The following GDI2 variants were observed in gnomAD, a reference collection of about 807,000 sequenced individuals.
GDI2 encodes GDP dissociation inhibitor 2, also known as rab GDP dissociation inhibitor beta.
GDI2 carries 22 observed loss-of-function variants against 54.2 expected under a neutral mutation model. That is an observed-to-expected ratio of 0.41 (90% confidence interval 0.29 to 0.58). The LOEUF (loss-of-function observed/expected upper bound fraction) is 0.58, where lower values mean the gene tolerates loss of function less well. GDI2 is among the 20% of genes least tolerant of loss of function. The pLI, the probability that GDI2 is intolerant of heterozygous loss-of-function variation, is 0.35. For missense variants in GDI2, 422 were observed against 546.0 expected, an observed-to-expected ratio of 0.77 and a Z score of 2.26; for synonymous variants, 177 against 182.1, an observed-to-expected ratio of 0.97 and a Z score of 0.23.
intron 1 of GDI2, among the ~76,000 whole-genome samples, chr10:5,805,972 T>C (rs1418377126): frequency 6.6e-6 from 1 of 152,212 alleles, no homozygotes; most frequent in Non-Finnish European, 1.5e-5. Context: ...TGGTGGATAT[T>C]TGGATAGTTT....
intron 2 of GDI2, among the ~76,000 whole-genome samples, chr10:5,798,046 G>A (rs573231818): frequency 6.6e-6 from 1 of 152,270 alleles, no homozygotes; most frequent in East Asian, 1.9e-4. Flanking sequence ...ACATTTTGGT[G>A]AGTCTAGACA....
intron 4 of GDI2, among the ~76,000 whole-genome samples, chr10:5,794,524 T>C (rs1341334000): frequency 6.6e-6 from 1 of 151,844 alleles, no homozygotes; most frequent in Non-Finnish European, 1.5e-5. Context: ...AGAAGTCAAA[T>C]AAGAAAACAA....
At chr10:5,778,554 T>C (rs1473778251) in intron 6 of GDI2, among the ~76,000 whole-genome samples, 1 of 152,248 alleles carries the variant, frequency 6.6e-6, no homozygotes, top group Non-Finnish European at 1.5e-5. Context: ...TAAATTTCCA[T>C]TTTATGAAGA....
chr10:5,786,041 C>T lies in GDI2; in HGVS notation c.398G>A (p.Gly133Glu). 6.2e-7 allele frequency: 1 copy of T among 1,607,880 alleles called. No homozygotes were observed. The highest frequency in any genetic ancestry group is 8.5e-7 in the Non-Finnish European group (1 of 1,175,026). ...CCTGAAGCGACGTTTTTCAAACAAT[C>T]CCATTAGGCCTAAATAAAAAAGAAT... ...EAEALASSLM[G>E]LFEKRRFRKF... Residue 133 changes from glycine (G) to glutamate (E), a missense_variant, in exon 5 of 11, where the codon GGA becomes GAA. By Grantham distance (98) the Gly-to-Glu change is moderately conservative. Transcript: ENST00000380191.
chr10:5,766,564 T>C lies in GDI2; in HGVS notation c.1066A>G (p.Thr356Ala), dbSNP rs765455596. The change falls in exon 9 of 11, where the codon ACT (threonine) becomes GCT (alanine). Residue 356 changes from threonine to alanine, a missense_variant. Thr to Ala is a moderately conservative substitution (Grantham distance 58). Transcript: ENST00000380191. This position sits in a 1 kb window ranked among gnomAD's most constrained non-coding sequence, Gnocchi z 5.8. Reference protein sequence around the residue: ...QGKYIAIVSTTVETKEPEKEI... With the variant: ...QGKYIAIVSTAVETKEPEKEI... ...TTCTCAGGCTCCTTGGTTTCCACAG[T>C]TGTACTAACTATAGCAATGTACTTC... The C allele has an allele frequency of 6.2e-7, 1 of 1,613,500 alleles. No homozygotes were observed. The highest frequency in any genetic ancestry group is 1.1e-5 in the South Asian group (1 of 91,058).
In GDI2 at chr10:5,766,961, A is replaced by T. The variant is rs1049001046; in HGVS notation, c.992-323T>A. Among the ~76,000 whole-genome samples the T allele has an allele frequency of 1.3e-5, 2 of 152,260 alleles. No homozygotes were observed. The highest frequency in any genetic ancestry group is 4.8e-5 in the African/African-American group (2 of 41,482). ...ATTAACTATTCTGGGAGATTCTTCC[A>T]TTCTGGACCTTGCATTTAGAAAGGT... On this transcript the variant is annotated intron_variant, in intron 8 of 10. Coordinates refer to ENST00000380191, the MANE Select transcript of GDI2 (RefSeq NM_001494.4). This position sits in a 1 kb window ranked among gnomAD's most constrained non-coding sequence, Gnocchi z 5.8.
rs1840847495 is a variant in GDI2 at position 5,785,232 on chromosome 10, T to C, written c.629A>G (p.Lys210Arg). ...QPCYETINRI[K>R]LYSESLARYG... ...TCTTGCCAAAGATTCACTGTAAAGT[T>C]TAATTCTATTAATGGTTTCATAACA... Residue 210 changes from lysine (K) to arginine (R), a missense_variant, in exon 6 of 11, where the codon AAA becomes AGA. Lys to Arg is a conservative substitution (Grantham distance 26). Coordinates refer to ENST00000380191, the MANE Select transcript of GDI2 (RefSeq NM_001494.4). 1.2e-6 allele frequency: 2 copies of C among 1,602,990 alleles called. No individual in the cohort carries two copies. Among genetic ancestry groups the C allele is most frequent in the Non-Finnish European group, 1.7e-6 (2 of 1,170,160 alleles).
chr10:5,804,171 G>A (rs1841326216), intron 1 of GDI2, among the ~76,000 whole-genome samples: 1 of 151,526 alleles, frequency 6.6e-6, no homozygotes. Context: ...TTGGCTCAAT[G>A]CAACCTTCAC....
rs34959016 is a variant in GDI2, at chr10:5,765,768, G to GAAA, written c.*235_*237dup. Reference sequence around the variant, plus strand: ...TCCCAATGTTTGTTTAACTTCACTAGAAAAAAAAAAAGCCAGTTTGGTTAA... The same window carrying GAAA: ...TCCCAATGTTTGTTTAACTTCACTAGAAAAAAAAAAAAAAGCCAGTTTGGTTAA... On this transcript the variant is annotated 3_prime_UTR_variant, in exon 11 of 11. Transcript: ENST00000380191. 6.1e-4 allele frequency: 191 copies of GAAA among 311,034 alleles called. No homozygotes were observed. Among genetic ancestry groups the GAAA allele is most frequent in the East Asian group, 1.9e-3 (30 of 15,700 alleles). 19.3% of individuals were successfully genotyped at this position (311,034 alleles called of 1,614,324 possible).
At chr10:5,782,575 T>C (rs998874990) in intron 6 of GDI2, among the ~76,000 whole-genome samples, 12 of 152,082 alleles carry the variant, frequency 7.9e-5, no homozygotes, top group Admixed American at 5.9e-4. Flanking sequence ...ACTAACTAGA[T>C]GTCCACCAAA....
intron 4 of GDI2, among the ~76,000 whole-genome samples, chr10:5,789,799 G>A (rs149337923): frequency 6.6e-6 from 1 of 152,298 alleles, no homozygotes; most frequent in African/African-American, 2.4e-5. Context: ...TGTAAACAAA[G>A]AAAGATGTAG....
intron 6 of GDI2, among the ~76,000 whole-genome samples, chr10:5,783,962 T>G (rs1267153854): frequency 6.6e-6 from 1 of 152,190 alleles, no homozygotes; most frequent in Non-Finnish European, 1.5e-5. Context: ...TCTTTAAGCT[T>G]CTTGTATTTG....
chr10:5,809,394 CA>C (rs980204978), intron 1 of GDI2, among the ~76,000 whole-genome samples: 8 of 152,168 alleles, frequency 5.3e-5, no homozygotes, highest in African/African-American at 1.9e-4. Context: ...GCTTCTGTTT[CA>C]AGCAAAACAA....
At chr10:5,779,497 C>T (rs114176145) in intron 6 of GDI2, among the ~76,000 whole-genome samples, 2,847 of 139,666 alleles carry the variant, frequency 0.02, 86 homozygotes, top group African/African-American at 0.07. Context: ...GACTCCGTCT[C>T]GAAAAAAAAA....
At chr10:5,806,175 G>A (rs747606254) in intron 1 of GDI2, among the ~76,000 whole-genome samples, 4 of 152,098 alleles carry the variant, frequency 2.6e-5, no homozygotes, top group Non-Finnish European at 4.4e-5. Context: ...TCAAATCCTT[G>A]ACCACTTACA....
intron 5 of GDI2, among the ~76,000 whole-genome samples, 173 bp from the exon 6 acceptor site, chr10:5,785,446 C>T (rs1564393152): frequency 6.6e-6 from 1 of 152,180 alleles, no homozygotes; most frequent in Non-Finnish European, 1.5e-5. Context: ...GCAATCTCGG[C>T]TCCCCACAAC....
chr10:5,808,735 A>ACC (rs1311622050), intron 1 of GDI2, among the ~76,000 whole-genome samples: 2 of 34,300 alleles, frequency 5.8e-5, no homozygotes, highest in Non-Finnish European at 8.9e-5. Flanking sequence ...ATACACACAC[A>ACC]CACACACACA....
chr10:5,812,746 T>C lies in GDI2; in HGVS notation c.45+468A>G, dbSNP rs560623530. ...ATCCAAGACTTGTCAGGAAACCCCG[T>C]ACTCGGCTTTGGCAGCCAGACTGAC... On this transcript the variant is annotated intron_variant, in intron 1 of 10. Transcript: ENST00000380191. Among the ~76,000 whole-genome samples, 229 of 152,326 alleles carry C rather than the reference T, an allele frequency of 1.5e-3. 1 individual carries two copies. The highest frequency in any genetic ancestry group is 5.3e-3 in the African/African-American group (222 of 41,586).
rs112803896 is a variant in GDI2 at position 5,766,746 on chromosome 10, T to C, written c.992-108A>G. 2.5e-3 allele frequency: 1,948 copies of C among 783,416 alleles called. 27 individuals carry two copies. The African/African-American group carries it at 0.029, about 12-fold the overall frequency. 48.5% of individuals were successfully genotyped at this position (783,416 alleles called of 1,614,324 possible). ...AGGTGTGAGTTAAAATTACTCTCAA[T>C]AGGCAAGATCTTCTACACTTAAGTT... On this transcript the variant is annotated intron_variant, in intron 8 of 10. Coordinates refer to ENST00000380191, the MANE Select transcript of GDI2 (RefSeq NM_001494.4). The surrounding 1 kb of genome is among the most constrained non-coding windows in gnomAD (Gnocchi z 5.8).
Sources: gnomAD v4.1 joint callset for allele counts (sites outside exome capture counted in the v4.1 genomes callset) on GRCh38, gnomAD v4.1.1 for gene constraint, Gnocchi (gnomAD v3.1) non-coding constraint, MANE v1.5 for transcripts, NCBI Gene and HGNC (gene_info 2026-07-23, HGNC 2026-07-21) for gene names.